The following DCHS2 variants were observed in gnomAD, a reference collection of about 807,000 sequenced individuals.
The protein encoded by DCHS2 is protocadherin-23.
A neutral mutation model predicts 182.4 loss-of-function variants in DCHS2; 142 were observed. The ratio of observed to expected loss-of-function variants is 0.78; its 90% CI spans 0.68 to 0.89. DCHS2 has a LOEUF of 0.89. DCHS2 is among the 40% of genes least tolerant of loss of function. The pLI, the probability that DCHS2 is intolerant of heterozygous loss-of-function variation, is 0.00. For synonymous variants in DCHS2, 1,740 were observed against 1,663.3 expected, an observed-to-expected ratio of 1.05 and a Z score of -1.12; for missense variants, 4,319 against 4,198.6, an observed-to-expected ratio of 1.03 and a Z score of -0.79.
intron 13 of DCHS2, among the ~76,000 whole-genome samples, chr4:154,285,813 G>C (rs1734367643): frequency 6.6e-6 from 1 of 152,064 alleles, no homozygotes; most frequent in African/African-American, 2.4e-5. Flanking sequence ...TGCCATGAAG[G>C]AAAGGACACA....
At chr4:154,435,456 T>TATGGTGGTGGGCAGCTGGGTA (rs1733737367) in intron 1 of DCHS2, among the ~76,000 whole-genome samples, 2 of 151,768 alleles carry the variant, frequency 1.3e-5, no homozygotes, top group South Asian at 2.1e-4. Flanking sequence ...ATTAGCTGGG[T>TATGGTGGTGGGCAGCTGGGTA]ATGGTGGTGG....
At chr4:154,310,402 G>A (rs528765006) in intron 10 of DCHS2, among the ~76,000 whole-genome samples, 2 of 152,284 alleles carry the variant, frequency 1.3e-5, no homozygotes, top group Admixed American at 1.3e-4. Context: ...TTCAATGGGA[G>A]CCTATAATCA....
intron 14 of DCHS2, chr4:154,269,165 G>T (rs1293702873): frequency 6.6e-6 from 1 of 152,146 alleles, no homozygotes; most frequent in African/African-American, 2.4e-5. Flanking sequence ...GGACCAAAAA[G>T]TCATAACACC....
At chr4:154,240,030 AGTTCTG>A (rs959243191) in intron 18 of DCHS2, among the ~76,000 whole-genome samples, 2 of 152,136 alleles carry the variant, frequency 1.3e-5, no homozygotes, top group African/African-American at 4.8e-5. Flanking sequence ...TACATTCAAA[AGTTCTG>A]GAGTCCATTT....
chr4:154,358,117 T>G (rs1444433971), intron 3 of DCHS2, among the ~76,000 whole-genome samples: 3 of 152,198 alleles, frequency 2.0e-5, no homozygotes. Flanking sequence ...TTGCATAAAG[T>G]CTCTGTGGAA....
chr4:154,412,434 A>C (rs1239737447), intron 1 of DCHS2, among the ~76,000 whole-genome samples: 7 of 152,308 alleles, frequency 4.6e-5, no homozygotes, highest in Non-Finnish European at 1.0e-4. Context: ...AATTCCAGAA[A>C]AAGAGGAAGA....
chr4:154,446,132 G>A (rs1259783698), intron 1 of DCHS2, among the ~76,000 whole-genome samples: 3 of 152,192 alleles, frequency 2.0e-5, no homozygotes, highest in South Asian at 4.1e-4. Flanking sequence ...TGTGGCGTCA[G>A]CTCTTAATAA....
At chr4:154,288,164 C>G (rs989119772) in intron 13 of DCHS2, among the ~76,000 whole-genome samples, 3 of 152,082 alleles carry the variant, frequency 2.0e-5, no homozygotes, top group Non-Finnish European at 2.9e-5. Context: ...ACACAATGGT[C>G]TTTTGCCTAC....
At chr4:154,347,934 G>A (rs949209867) in intron 3 of DCHS2, among the ~76,000 whole-genome samples, 5 of 151,850 alleles carry the variant, frequency 3.3e-5, no homozygotes, top group African/African-American at 1.2e-4. Flanking sequence ...AACCAGTCCT[G>A]GATAGATGTA....
At chr4:154,305,850 T>C (rs57965026) in intron 10 of DCHS2, among the ~76,000 whole-genome samples, 3,822 of 152,282 alleles carry the variant, frequency 0.025, 171 homozygotes, top group African/African-American at 0.086. Context: ...GTCATTTCCA[T>C]CTCTGGTTAT....
intron 3 of DCHS2, among the ~76,000 whole-genome samples, chr4:154,365,650 A>AC (rs1386595824): frequency 1.4e-5 from 2 of 146,472 alleles, no homozygotes; most frequent in Admixed American, 1.3e-4. Context: ...AGATAACAGT[A>AC]CTTTTTTTTT....
chr4:154,420,705 C>T (rs1450295515), intron 1 of DCHS2, among the ~76,000 whole-genome samples: 1 of 152,210 alleles, frequency 6.6e-6, no homozygotes, highest in Non-Finnish European at 1.5e-5. Flanking sequence ...GAGGGCAGAT[C>T]TTCCTTACTC....
chr4:154,428,807 G>A (rs1181799162), intron 1 of DCHS2, among the ~76,000 whole-genome samples: 1 of 152,032 alleles, frequency 6.6e-6, no homozygotes, highest in Non-Finnish European at 1.5e-5. Flanking sequence ...AGAGGCTGAG[G>A]CAGGAGAATC....
At chr4:154,453,427 C>A (rs73854777) in intron 1 of DCHS2, among the ~76,000 whole-genome samples, 20 of 152,060 alleles carry the variant, frequency 1.3e-4, no homozygotes, top group African/African-American at 4.3e-4. Context: ...GACAAGGATT[C>A]CAGACATCTT....
chr4:154,288,941 G>A (rs774425328), intron 13 of DCHS2, among the ~76,000 whole-genome samples: 60 of 152,028 alleles, frequency 3.9e-4, no homozygotes, highest in Non-Finnish European at 7.2e-4. Flanking sequence ...AAAGAGTAAA[G>A]TTTATAGCTG....
Position 154,315,927 on chromosome 4 carries a change from A to C in DCHS2, c.5081T>G (p.Val1694Gly). 6.2e-7 allele frequency: 1 copy of C among 1,614,058 alleles called. No homozygotes were observed. ...YEMKTQHILTVLALDDGTPAL... is the reference protein window; with the variant it reads ...YEMKTQHILTGLALDDGTPAL... The stretch of plus-strand genomic sequence containing the variant: ...TGGTGTGCCATCATCCAGTGCCAGA[A>C]CAGTCAGAATATGCTGAGTTTTCAT... The change falls in exon 10 of 20, where the codon GTT (valine) becomes GGT (glycine). Residue 1694 changes from valine (V) to glycine (G), a missense_variant. By Grantham distance (109) the Val-to-Gly change is moderately radical (BLOSUM62 -3). Coordinates refer to ENST00000357232, the MANE Select transcript of DCHS2 (RefSeq NM_001358235.2).
At chr4:154,450,098 C>T (rs542905486) in intron 1 of DCHS2, among the ~76,000 whole-genome samples, 43 of 152,224 alleles carry the variant, frequency 2.8e-4, no homozygotes, top group South Asian at 4.1e-4. Context: ...CAGAAGGAGC[C>T]GACCCCTGGG....
intron 1 of DCHS2, among the ~76,000 whole-genome samples, chr4:154,386,582 A>G (rs1172907081): frequency 6.6e-6 from 1 of 152,092 alleles, no homozygotes; most frequent in East Asian, 1.9e-4. Flanking sequence ...ATTGATAATA[A>G]CATGTCTTCC....
At chr4:154,405,454 A>G (rs1045977647) in intron 1 of DCHS2, among the ~76,000 whole-genome samples, 1 of 126,198 alleles carries the variant, frequency 7.9e-6, no homozygotes, top group Non-Finnish European at 1.7e-5. Flanking sequence ...ATATTTATTC[A>G]TATATATATA....
Sources: allele counts gnomAD v4.1 joint callset (sites outside exome capture counted in the v4.1 genomes callset), GRCh38; gene constraint gnomAD v4.1.1; transcripts MANE v1.5; gene names NCBI Gene and HGNC (gene_info 2026-07-23, HGNC 2026-07-21).